PDAP1: variants seen among roughly 807,000 people sequenced by gnomAD.
PDAP1 encodes the protein PDGFA associated protein 1, also known as 28 kDa heat- and acid-stable phosphoprotein.
A neutral mutation model predicts 28.0 loss-of-function variants in PDAP1; 13 were observed. That is an observed-to-expected ratio of 0.46 (90% CI 0.30 to 0.74). The LOEUF is 0.74. Among genes scored for constraint, PDAP1 ranks in the 30% least tolerant of loss-of-function variants. The pLI is 0.07. For missense variants in PDAP1, 150 were observed against 230.0 expected (o/e 0.65, Z 2.25); for synonymous variants, 77 against 85.1 (o/e 0.91, Z 0.52).
chr7:99,407,808 C>A (rs143002737), intron 1 of PDAP1, among the ~76,000 whole-genome samples: 1 of 152,154 alleles, frequency 6.6e-6, no homozygotes, highest in Admixed American at 6.5e-5. Context: ...AGAGGACGGG[C>A]TACAATGGAC....
intron 1 of PDAP1, 51 bp downstream of exon 1, chr7:99,408,485 G>A (rs1304232910): frequency 7.5e-7 from 1 of 1,339,676 alleles, no homozygotes; most frequent in African/African-American, 1.5e-5. Flanking sequence ...AGCGGAAGCC[G>A]GACCTGGGCC....
At chr7:99,404,436 G>A (rs1794933346) in intron 2 of PDAP1, among the ~76,000 whole-genome samples, 1 of 152,280 alleles carries the variant, frequency 6.6e-6, no homozygotes, top group African/African-American at 2.4e-5. Context: ...AACGTCTCCA[G>A]GGATGGAGAG....
At position 99,408,592 on chromosome 7, in the gene PDAP1, G is replaced by T; in HGVS notation, c.-44C>A. The T allele has an allele frequency of 8.1e-7, 1 of 1,237,100 alleles. No homozygotes were observed. The highest frequency in any genetic ancestry group is 3.0e-5 in the South Asian group (1 of 33,590). The allele number at this position is 1,237,100 out of a possible 1,614,324, so 76.6% of individuals were successfully genotyped here. A position where few individuals can be genotyped will look rare whatever the true frequency, so the allele number is the denominator to read the frequency against. The stretch of plus-strand genomic sequence containing the variant: ...GGCGGCGGCGGCGGCGCCTCGAACT[G>T]ACACCGGAACCGGAAATAGCTTGGG... On this transcript the variant is annotated 5_prime_UTR_variant, in exon 1 of 6. Transcript: ENST00000350498.
chr7:99,396,783 C>G (rs760042913), intron 5 of PDAP1, 43 bp from the exon 6 acceptor site: 2 of 1,477,352 alleles, frequency 1.4e-6, no homozygotes, highest in Admixed American at 1.7e-5. Context: ...AAAGCAACCC[C>G]CCACCCCCTC....
intron 1 of PDAP1, 137 bp downstream of exon 1, chr7:99,408,399 C>T: frequency 1.3e-6 from 1 of 744,506 alleles, no homozygotes; most frequent in Non-Finnish European, 1.9e-6. Flanking sequence ...GGCGTCGAGG[C>T]CCAGGCCTGG....
At chr7:99,398,066 A>G in intron 4 of PDAP1, 53 bp from the exon 5 acceptor site, 1 of 1,601,058 alleles carries the variant, frequency 6.2e-7, no homozygotes, top group South Asian at 1.1e-5. Flanking sequence ...CTGTTTGCCA[A>G]ACTGGACGGG....
intron 5 of PDAP1, 33 bp from the exon 6 acceptor site, chr7:99,396,773 A>G (rs1343473178): frequency 6.4e-7 from 1 of 1,567,390 alleles, no homozygotes; most frequent in African/African-American, 1.3e-5. Flanking sequence ...GGGTTAAAAC[A>G]AAGCAACCCC....
intron 3 of PDAP1, among the ~76,000 whole-genome samples, chr7:99,401,008 T>C (rs1358775664): frequency 1.3e-5 from 2 of 152,158 alleles, no homozygotes; most frequent in Non-Finnish European, 2.9e-5. Context: ...GGGTGTGTTC[T>C]CAATGCAGCA....
At chr7:99,403,101 C>T (rs77633623) in intron 3 of PDAP1, among the ~76,000 whole-genome samples, 3 of 152,218 alleles carry the variant, frequency 2.0e-5, no homozygotes, top group South Asian at 2.1e-4. Flanking sequence ...TTGCTCTGCA[C>T]GCCAATTTTC....
At chr7:99,397,103 T>C (rs747419080) in intron 5 of PDAP1, among the ~76,000 whole-genome samples, 3 of 152,162 alleles carry the variant, frequency 2.0e-5, no homozygotes, top group Non-Finnish European at 2.9e-5. Flanking sequence ...AACAGTTACA[T>C]GTGAAGTCCT....
intron 3 of PDAP1, 25 bp downstream of exon 3, chr7:99,403,373 C>T (rs1224886319): frequency 4.4e-6 from 6 of 1,378,068 alleles, no homozygotes. Context: ...AGTCCAGGCT[C>T]TAGGCCCTCA....
rs202104648 is a variant in PDAP1, at chr7:99,403,410, T to A, written c.201A>T (p.Glu67Asp). The change falls in exon 3 of 6, where the codon GAA (glutamate) becomes GAT (aspartate). Residue 67 changes from glutamate (E) to aspartate (D), a missense_variant. Glu to Asp is a conservative substitution (Grantham distance 45). Transcript: ENST00000350498. ...SLDSDESEDE[E>D]DDYQQKRKGV... ...AAGAACTCAGTACCTGGTAGTCATC[T>A]TCTTCATCCTCACTCTCATCTGAGT... The A allele has an allele frequency of 1.3e-6, 2 of 1,597,246 alleles. No individual in the cohort carries two copies. Among genetic ancestry groups the A allele is most frequent in the Admixed American group, 3.3e-5 (2 of 59,992 alleles).
intron 3 of PDAP1, among the ~76,000 whole-genome samples, chr7:99,401,307 T>C (rs1319856675): frequency 6.6e-6 from 1 of 152,144 alleles, no homozygotes; most frequent in East Asian, 1.9e-4. Flanking sequence ...CCACTGCCAT[T>C]GTCACCATCC....
chr7:99,400,539 C>T, intron 3 of PDAP1, 115 bp from the exon 4 acceptor site: 3 of 1,189,752 alleles, frequency 2.5e-6, no homozygotes, highest in East Asian at 2.4e-5. Flanking sequence ...TGCTCCACCC[C>T]AGCCCACGTA....
chr7:99,407,948 G>A (rs1795015294), intron 1 of PDAP1, among the ~76,000 whole-genome samples: 1 of 152,190 alleles, frequency 6.6e-6, no homozygotes, highest in Non-Finnish European at 1.5e-5. Context: ...GGATTACCTA[G>A]TTGAAGCCTC....
intron 4 of PDAP1, 114 bp downstream of exon 4, chr7:99,400,189 G>A (rs1375384492): frequency 6.8e-6 from 8 of 1,181,186 alleles, no homozygotes; most frequent in Non-Finnish European, 9.7e-6. Context: ...GGCCATTGGG[G>A]AATGAGACAG....
rs551102631 is a variant in PDAP1 at position 99,404,833 on chromosome 7, T to C, written c.105+29A>G. 2.6e-6 allele frequency: 4 copies of C among 1,565,582 alleles called. No individual in the cohort carries two copies. The African/African-American group carries it at 4.1e-5, about 16-fold the overall frequency. ...TTGGCAAAGCGCCACCCTGGGCCACTGGCGTGGCCTGGACAGGCACGTACT... is the reference window on the plus strand; with the variant it reads ...TTGGCAAAGCGCCACCCTGGGCCACCGGCGTGGCCTGGACAGGCACGTACT... On this transcript the variant is annotated intron_variant, in intron 2 of 5. Transcript: ENST00000350498.
chr7:99,402,878 CA>C (rs543294031), intron 3 of PDAP1, among the ~76,000 whole-genome samples: 211 of 72,074 alleles, frequency 2.9e-3, no homozygotes, highest in Middle Eastern at 8.2e-3. Flanking sequence ...CACTTCATCT[CA>C]AAAAAAAAAA....
chr7:99,394,918 C>G lies in PDAP1; in HGVS notation c.*1764G>C, dbSNP rs1189733182. On this transcript the variant is annotated 3_prime_UTR_variant, in exon 6 of 6. Transcript: ENST00000350498. The stretch of plus-strand genomic sequence containing the variant: ...GTGGGAGCAATCCTTCTGCCTCAGC[C>G]TCCCAAGTAGCTGGGACTCCAGGGA... 1 of 877,084 alleles carries G rather than the reference C, an allele frequency of 1.1e-6. No individual in the cohort carries two copies. Among genetic ancestry groups the G allele is most frequent in the Admixed American group, 4.5e-5 (1 of 22,326 alleles). The allele number at this position is 877,084 out of a possible 1,614,324, so 54.3% of individuals were successfully genotyped here.
Sources: allele counts gnomAD v4.1 joint callset (sites outside exome capture counted in the v4.1 genomes callset), GRCh38; gene constraint gnomAD v4.1.1; transcripts MANE v1.5; gene names NCBI Gene and HGNC (gene_info 2026-07-23, HGNC 2026-07-21).